PPM1E: variants seen among roughly 807,000 people sequenced by gnomAD.
The protein encoded by PPM1E is protein phosphatase 1E.
Under a neutral mutation model 65.9 loss-of-function variants are expected in PPM1E, and 20 were observed. The ratio of observed to expected loss-of-function variants is 0.30; its 90% CI spans 0.21 to 0.44. The LOEUF is 0.44. PPM1E is among the 20% of genes least tolerant of loss of function. The pLI is 1.00. For missense variants in PPM1E, 713 were observed against 953.1 expected, an observed-to-expected ratio of 0.75 and a Z score of 3.32; for synonymous variants, 352 against 374.9, an observed-to-expected ratio of 0.94 and a Z score of 0.70.
At chr17:58,792,785 C>A (rs2050169285) in intron 1 of PPM1E, among the ~76,000 whole-genome samples, 1 of 86,406 alleles carries the variant, frequency 1.2e-5, no homozygotes. Context: ...GATGGAGTCT[C>A]ATTCTGTCAC....
At chr17:58,873,088 A>G (rs951883469) in intron 1 of PPM1E, among the ~76,000 whole-genome samples, 3 of 152,132 alleles carry the variant, frequency 2.0e-5, no homozygotes, top group Non-Finnish European at 4.4e-5. Context: ...AATTTGAATT[A>G]CTCAGTTTCA....
At chr17:58,812,176 C>T (rs1297754225) in intron 1 of PPM1E, among the ~76,000 whole-genome samples, 3 of 150,374 alleles carry the variant, frequency 2.0e-5, no homozygotes, top group Non-Finnish European at 3.0e-5. Context: ...TGGTGGCAGG[C>T]GCCTGTAGTC....
chr17:58,773,936 C>T (rs1036503393), intron 1 of PPM1E, among the ~76,000 whole-genome samples: 2 of 152,004 alleles, frequency 1.3e-5, no homozygotes, highest in African/African-American at 4.8e-5. Flanking sequence ...CTGAGACAGG[C>T]GGATCAGTTG....
intron 1 of PPM1E, among the ~76,000 whole-genome samples, chr17:58,902,866 G>A (rs1436498503): frequency 6.6e-6 from 1 of 151,888 alleles, no homozygotes; most frequent in Non-Finnish European, 1.5e-5. Context: ...ATGTTTAGTT[G>A]GATAACATCA....
In PPM1E at chr17:58,798,355, A is replaced by G. The variant is rs56037740; in HGVS notation, c.464+41894A>G. On this transcript the variant is annotated intron_variant, in intron 1 of 6. Transcript: ENST00000308249. ...GCGATTCTCCTGCCTCAGCCTCCTG[A>G]GTGGCTGGGATTACAGGCAGGCGCC... 3.8e-3 allele frequency among the ~76,000 whole-genome samples: 568 copies of G among 150,542 alleles called. 4 individuals are homozygous for G. The highest frequency in any genetic ancestry group is 6.3e-3 in the Non-Finnish European group (429 of 67,788).
intron 1 of PPM1E, among the ~76,000 whole-genome samples, chr17:58,952,719 G>A (rs1237830809): frequency 2.6e-5 from 4 of 152,108 alleles, no homozygotes; most frequent in Non-Finnish European, 4.4e-5. Context: ...TGCACTCTGG[G>A]CTGGAGTGCA....
chr17:58,786,458 T>G (rs1267520855), intron 1 of PPM1E, among the ~76,000 whole-genome samples: 1 of 152,186 alleles, frequency 6.6e-6, no homozygotes, highest in Non-Finnish European at 1.5e-5. Flanking sequence ...TACCTGACAG[T>G]TGATCTGATA....
At chr17:58,938,267 T>A (rs571710868) in intron 1 of PPM1E, among the ~76,000 whole-genome samples, 1 of 152,344 alleles carries the variant, frequency 6.6e-6, no homozygotes, top group Admixed American at 6.5e-5. Flanking sequence ...TTGAGGAAAT[T>A]GAAATCCAGG....
At chr17:58,903,993 C>T (rs1381776864) in intron 1 of PPM1E, among the ~76,000 whole-genome samples, 2 of 152,036 alleles carry the variant, frequency 1.3e-5, no homozygotes, top group African/African-American at 2.4e-5. Context: ...ATTACTTTTA[C>T]TTGAATTTGA....
In PPM1E at chr17:58,843,159, G is replaced by A. The variant is rs551699281; in HGVS notation, c.464+86698G>A. ...AAAATTAGTCGGGCATGGTGGCGGCGCCTGTAGTCCCAGGCTGGAGAATGG... is the reference window on the plus strand; with the variant it reads ...AAAATTAGTCGGGCATGGTGGCGGCACCTGTAGTCCCAGGCTGGAGAATGG... On this transcript the variant is annotated intron_variant, in intron 1 of 6. Transcript: ENST00000308249. Among the ~76,000 whole-genome samples, 83 of 151,252 alleles carry A rather than the reference G, an allele frequency of 5.5e-4. 1 individual carries two copies. The South Asian group carries it at 0.013, about 24-fold the overall frequency.
chr17:58,934,680 AC>A (rs2143580074), intron 1 of PPM1E, among the ~76,000 whole-genome samples: 1 of 152,260 alleles, frequency 6.6e-6, no homozygotes, highest in Non-Finnish European at 1.5e-5. Context: ...TAATCCCAGC[AC>A]TTTTGGTGGC....
chr17:58,874,982 C>G (rs1464324748), intron 1 of PPM1E, among the ~76,000 whole-genome samples: 1 of 152,090 alleles, frequency 6.6e-6, no homozygotes, highest in Non-Finnish European at 1.5e-5. Flanking sequence ...CCCTTTCTTC[C>G]TGTAAGAGGC....
At position 58,972,939 on chromosome 17, in the gene PPM1E, A is replaced by C; in HGVS notation, c.1210+14A>C. 1 of 1,604,380 alleles carries C rather than the reference A, an allele frequency of 6.2e-7. No individual in the cohort carries two copies. Among genetic ancestry groups the C allele is most frequent in the Non-Finnish European group, 8.5e-7 (1 of 1,172,136 alleles). ...CCAGAGCTATTGGTAGGAAAAACAA[A>C]TTTTTGTTTCTCCAAACTGTCCTCT... is the stretch of plus-strand genomic sequence containing the variant. On this transcript the variant is annotated intron_variant, in intron 6 of 6. Coordinates refer to ENST00000308249, the MANE Select transcript of PPM1E (RefSeq NM_014906.5).
intron 1 of PPM1E, among the ~76,000 whole-genome samples, chr17:58,949,208 T>A (rs2052203176): frequency 6.6e-6 from 1 of 152,200 alleles, no homozygotes; most frequent in Non-Finnish European, 1.5e-5. Context: ...TTTACAATTG[T>A]TATAGCTTCT....
intron 1 of PPM1E, among the ~76,000 whole-genome samples, chr17:58,855,728 T>A (rs1457083326): frequency 1.3e-5 from 2 of 152,228 alleles, no homozygotes; most frequent in Non-Finnish European, 2.9e-5. Flanking sequence ...TATAGATGAA[T>A]TTTAGTTCAT....
chr17:58,866,142 G>C (rs1367271379), intron 1 of PPM1E, among the ~76,000 whole-genome samples: 1 of 152,206 alleles, frequency 6.6e-6, no homozygotes, highest in African/African-American at 2.4e-5. Context: ...GACCAATCTA[G>C]TTAGATAGGC....
At chr17:58,921,518 TACAAACAA>T (rs529014528) in intron 1 of PPM1E, among the ~76,000 whole-genome samples, 9 of 150,998 alleles carry the variant, frequency 6.0e-5, no homozygotes, top group East Asian at 2.0e-4. Context: ...ACTCCATCTC[TACAAACAA>T]ACAAACAAAC....
chr17:58,955,176 C>T (rs2143643329), intron 1 of PPM1E, among the ~76,000 whole-genome samples: 1 of 152,202 alleles, frequency 6.6e-6, no homozygotes, highest in African/African-American at 2.4e-5. Context: ...ACCAGCCTGA[C>T]CAACATGGAG....
intron 1 of PPM1E, among the ~76,000 whole-genome samples, chr17:58,938,617 A>G (rs964902034): frequency 9.2e-5 from 14 of 152,124 alleles, no homozygotes; most frequent in African/African-American, 3.4e-4. Context: ...CATATAGGTA[A>G]CAAGGACCCA....
Sources: allele counts gnomAD v4.1 joint callset (sites outside exome capture counted in the v4.1 genomes callset), GRCh38; gene constraint gnomAD v4.1.1; transcripts MANE v1.5; gene names NCBI Gene and HGNC (gene_info 2026-07-23, HGNC 2026-07-21).